Variants in CADM2 observed in about 807,000 individuals in gnomAD.
CADM2 encodes the protein cell adhesion molecule 2, also known as immunoglobulin superfamily member 4D.
CADM2 carries 12 observed loss-of-function variants against 49.8 expected under a neutral mutation model. That is an observed-to-expected ratio of 0.24 (90% CI 0.15 to 0.39). The LOEUF (loss-of-function observed/expected upper bound fraction) is 0.39, where lower values mean the gene tolerates loss of function less well. Among genes scored for constraint, CADM2 ranks in the 10% least tolerant of loss-of-function variants. CADM2 has a pLI of 1.00. For synonymous variants in CADM2, 214 were observed against 175.4 expected, an observed-to-expected ratio of 1.22 and a Z score of -1.74; for missense variants, 378 against 492.3, an observed-to-expected ratio of 0.77 and a Z score of 2.20.
intron 1 of CADM2, among the ~76,000 whole-genome samples, chr3:85,352,648 G>T (rs1461373935): frequency 2.0e-5 from 3 of 151,988 alleles, no homozygotes; most frequent in African/African-American, 7.2e-5. Context: ...CACTTACAGT[G>T]GTATAAGGGT....
rs1042477937 is a variant in CADM2, at chr3:85,458,736, C to A, written c.62-267786C>A. ...GAGATTCTACACTCTTCCTCTTTAA[C>A]CAGGGCAACACTAGCCTTTCTTGTT... On this transcript the variant is annotated intron_variant, in intron 1 of 9. Coordinates refer to ENST00000383699, the MANE Select transcript of CADM2 (RefSeq NM_001167675.2). 4.8e-4 allele frequency among the ~76,000 whole-genome samples: 73 copies of A among 152,072 alleles called. 2 individuals carry two copies. Among genetic ancestry groups the A allele is most frequent in the Admixed American group, 3.3e-3 (50 of 15,256 alleles).
chr3:85,173,414 CTT>C (rs1032844532), intron 1 of CADM2, among the ~76,000 whole-genome samples: 11 of 152,014 alleles, frequency 7.2e-5, no homozygotes, highest in Admixed American at 2.0e-4. Flanking sequence ...TATTTTGAAA[CTT>C]TTTGTTTCAC....
chr3:85,541,604 C>T (rs562117351), intron 1 of CADM2, among the ~76,000 whole-genome samples: 1 of 148,684 alleles, frequency 6.7e-6, no homozygotes, highest in Non-Finnish European at 1.5e-5. Context: ...CATTGTATAA[C>T]CTAGGGAAAA....
chr3:86,070,923 T>A lies in CADM2; in HGVS notation c.*4140T>A, dbSNP rs566510976. 2 of 152,050 alleles carry A rather than the reference T, an allele frequency of 1.3e-5. No individual in the cohort carries two copies. Among genetic ancestry groups the A allele is most frequent in the Admixed American group, 1.3e-4 (2 of 15,260 alleles). The allele number at this position is 152,050 out of a possible 1,614,324, so 9.4% of individuals were successfully genotyped here. ...ATATTGAAATATACTCAGTGCAATA[T>A]CTGCAGTTCTATTGCTGGATACTTA... On this transcript the variant is annotated 3_prime_UTR_variant, in exon 10 of 10. Transcript: ENST00000383699.
chr3:85,235,265 G>A (rs1576180878), intron 1 of CADM2, among the ~76,000 whole-genome samples: 1 of 152,100 alleles, frequency 6.6e-6, no homozygotes. Context: ...TTGCTATATT[G>A]CCTTTGATAC....
intron 8 of CADM2, among the ~76,000 whole-genome samples, chr3:85,972,617 C>A (rs1726291600): frequency 6.6e-6 from 1 of 151,718 alleles, no homozygotes; most frequent in Admixed American, 6.6e-5. Flanking sequence ...AAAATCCATT[C>A]TGAATGCCAT....
At chr3:85,915,762 A>G (rs1490794505) in intron 6 of CADM2, among the ~76,000 whole-genome samples, 1 of 152,162 alleles carries the variant, frequency 6.6e-6, no homozygotes, top group African/African-American at 2.4e-5. Context: ...ATTGTTTGAC[A>G]ATATTCTTGT....
At chr3:85,440,231 T>A (rs566917411) in intron 1 of CADM2, among the ~76,000 whole-genome samples, 19 of 152,304 alleles carry the variant, frequency 1.2e-4, no homozygotes, top group African/African-American at 3.4e-4. Context: ...GGTGCTTTTT[T>A]AATTTTAGTC....
chr3:85,490,534 T>C (rs368688824), intron 1 of CADM2, among the ~76,000 whole-genome samples: 3 of 152,228 alleles, frequency 2.0e-5, no homozygotes, highest in South Asian at 2.1e-4. Context: ...CAGTAAGCTA[T>C]GATTATGCCA....
intron 1 of CADM2, among the ~76,000 whole-genome samples, chr3:85,393,739 G>A (rs2034630366): frequency 6.6e-6 from 1 of 151,588 alleles, no homozygotes. Flanking sequence ...CCCCTTTTGT[G>A]CGTAAATCTC....
chr3:85,589,097 T>G (rs2063028649), intron 1 of CADM2, among the ~76,000 whole-genome samples: 1 of 151,988 alleles, frequency 6.6e-6, no homozygotes, highest in Non-Finnish European at 1.5e-5. Context: ...GAAAAGATTT[T>G]GATAAAGGGA....
chr3:85,117,192 G>A (rs966017895), intron 1 of CADM2, among the ~76,000 whole-genome samples: 2 of 151,946 alleles, frequency 1.3e-5, no homozygotes, highest in African/African-American at 4.8e-5. Context: ...CTGCACTTCA[G>A]CCCAGGCTAC....
intron 1 of CADM2, among the ~76,000 whole-genome samples, chr3:85,120,848 A>T (rs1302266949): frequency 6.6e-6 from 1 of 152,184 alleles, no homozygotes; most frequent in African/African-American, 2.4e-5. Context: ...AAAAAAAGAT[A>T]CATTGCTCTG....
intron 1 of CADM2, among the ~76,000 whole-genome samples, chr3:85,263,670 C>G (rs1356822434): frequency 6.6e-6 from 1 of 151,992 alleles, no homozygotes; most frequent in African/African-American, 2.4e-5. Context: ...TACTAATATT[C>G]AAGAATCTAT....
rs561057414 is a variant in CADM2 at position 85,796,849 on chromosome 3, C to A, written c.89-5198C>A. ...TGGTGGCTCATGCCTGTAATCCCAG[C>A]ACTTTAAGAGGCCAAGATGGGCTTA... On this transcript the variant is annotated intron_variant, in intron 2 of 9. Transcript: ENST00000383699. 4.7e-4 allele frequency among the ~76,000 whole-genome samples: 72 copies of A among 152,142 alleles called. No homozygotes were observed. In the Middle Eastern group the frequency reaches 0.01, roughly 22 times the overall value.
chr3:85,809,097 T>G (rs951849827), intron 3 of CADM2, among the ~76,000 whole-genome samples: 10 of 152,300 alleles, frequency 6.6e-5, no homozygotes, highest in African/African-American at 2.4e-4. Flanking sequence ...CTATTATATA[T>G]CTGTACAATA....
At chr3:85,387,224 T>C (rs1008976873) in intron 1 of CADM2, among the ~76,000 whole-genome samples, 2 of 152,148 alleles carry the variant, frequency 1.3e-5, no homozygotes, top group Non-Finnish European at 2.9e-5. Context: ...AAGTAATTTT[T>C]CCCCCTAAAT....
At chr3:85,616,864 A>G (rs1295547215) in intron 1 of CADM2, among the ~76,000 whole-genome samples, 1 of 152,184 alleles carries the variant, frequency 6.6e-6, no homozygotes, top group African/African-American at 2.4e-5. Flanking sequence ...GAAAGACTGA[A>G]TCATATAAAC....
chr3:86,049,457 G>A (rs573453584), intron 8 of CADM2, among the ~76,000 whole-genome samples: 1 of 151,894 alleles, frequency 6.6e-6, no homozygotes, highest in Admixed American at 6.6e-5. Flanking sequence ...TGTATTTTTA[G>A]TAGAGATGGG....
Sources: allele counts gnomAD v4.1 joint callset (sites outside exome capture counted in the v4.1 genomes callset), GRCh38; gene constraint gnomAD v4.1.1; transcripts MANE v1.5; gene names NCBI Gene and HGNC (gene_info 2026-07-23, HGNC 2026-07-21).